Variants in FOXK1 observed in about 807,000 individuals in gnomAD.
The protein encoded by FOXK1 is forkhead box protein K1.
FOXK1 carries 19 observed loss-of-function variants against 51.9 expected under a neutral mutation model. The observed-to-expected ratio is 0.37, with a 90% CI of 0.26 to 0.54. The LOEUF is 0.54. Among genes scored for constraint, FOXK1 ranks in the 20% least tolerant of loss-of-function variants. The pLI is 0.87. For missense variants in FOXK1, 870 were observed against 1,032.7 expected (o/e 0.84, Z 2.16); for synonymous variants, 537 against 482.6 (o/e 1.11, Z -1.48).
intron 1 of FOXK1, among the ~76,000 whole-genome samples, chr7:4,710,379 A>G (rs1385107021): frequency 6.6e-6 from 1 of 152,202 alleles, no homozygotes; most frequent in Non-Finnish European, 1.5e-5. Flanking sequence ...GTTCAAGGCC[A>G]GCCTGGCCAA....
At chr7:4,713,967 C>A (rs1780205676) in intron 1 of FOXK1, among the ~76,000 whole-genome samples, 1 of 151,846 alleles carries the variant, frequency 6.6e-6, no homozygotes, top group African/African-American at 2.4e-5. Flanking sequence ...GCTGGGATTA[C>A]AAGCATGCGC....
chr7:4,708,278 G>A (rs753072576), intron 1 of FOXK1, among the ~76,000 whole-genome samples: 1 of 152,084 alleles, frequency 6.6e-6, no homozygotes, highest in African/African-American at 2.4e-5. Context: ...ATGAGTCCCC[G>A]ATGCTTTGTA....
At chr7:4,751,847 C>A (rs1333200573) in intron 2 of FOXK1, among the ~76,000 whole-genome samples, 1 of 152,240 alleles carries the variant, frequency 6.6e-6, no homozygotes, top group Non-Finnish European at 1.5e-5. Flanking sequence ...GAGAAACCAC[C>A]CTACTCTCTC....
Position 4,748,214 on chromosome 7 carries a change from G to A in FOXK1, c.747-6245G>A, listed in dbSNP as rs533494196. Among the ~76,000 whole-genome samples the A allele has an allele frequency of 1.4e-3, 213 of 152,262 alleles. No homozygotes were observed. The highest frequency in any genetic ancestry group is 2.2e-3 in the Non-Finnish European group (151 of 68,028). ...AAATTCCCCCACACAACGCTCCCCA[G>A]AGCTGAGCCCTTCTCTCTCACTTCT... is the stretch of plus-strand genomic sequence containing the variant. On this transcript the variant is annotated intron_variant, in intron 2 of 8. Transcript: ENST00000328914. The surrounding 1 kb of genome is among the most constrained non-coding windows in gnomAD (Gnocchi z 4.9).
chr7:4,690,232 G>A (rs541987883), intron 1 of FOXK1, among the ~76,000 whole-genome samples: 2 of 152,248 alleles, frequency 1.3e-5, no homozygotes, highest in Non-Finnish European at 2.9e-5. Context: ...GTTTTGAACC[G>A]GAGCTGGGGA....
intron 1 of FOXK1, among the ~76,000 whole-genome samples, chr7:4,712,093 A>T (rs1304190409): frequency 6.6e-6 from 1 of 151,488 alleles, no homozygotes; most frequent in Non-Finnish European, 1.5e-5. Context: ...TTTATCCATC[A>T]TCTAATTGTG....
chr7:4,757,103 C>A lies in FOXK1; in HGVS notation c.1160C>A (p.Ala387Asp). The A allele has an allele frequency of 6.2e-7, 1 of 1,613,762 alleles. No homozygotes were observed. Among genetic ancestry groups the A allele is most frequent in the Non-Finnish European group, 8.5e-7 (1 of 1,179,986 alleles). Reference protein sequence around the residue: ...SFWRIDPASEAKLVEQAFRKR... With the variant: ...SFWRIDPASEDKLVEQAFRKR... The stretch of plus-strand genomic sequence containing the variant: ...TGGCGAATAGACCCTGCCTCTGAAG[C>A]CAAGCTCGTGGAACAGGCATTCCGG... The change falls in exon 5 of 9, where the codon GCC (alanine) becomes GAC (aspartate). Residue 387 changes from alanine to aspartate, a missense_variant. Ala to Asp is a moderately radical substitution (Grantham distance 126, BLOSUM62 -2). Around this residue, in one of 3 missense-constraint regions of FOXK1, gnomAD observed 457 missense variants for 510.8 expected, o/e 0.89. Coordinates refer to ENST00000328914, the MANE Select transcript of FOXK1 (RefSeq NM_001037165.2).
rs1278223503 is a variant in FOXK1, at chr7:4,733,149, G to A, written c.561-7689G>A. Among the ~76,000 whole-genome samples, 1 of 151,896 alleles carries A rather than the reference G, an allele frequency of 6.6e-6. No homozygotes were observed. Among genetic ancestry groups the A allele is most frequent in the Non-Finnish European group, 1.5e-5 (1 of 67,984 alleles). On this transcript the variant is annotated intron_variant, in intron 1 of 8. Transcript: ENST00000328914. This position sits in a 1 kb window ranked among gnomAD's most constrained non-coding sequence, Gnocchi z 5.0. Reference sequence around the variant, plus strand: ...GCAACAAAGGTCAAAAATAACGAGGGCCAAGTTTGTTTCTTTTATACGTGA... The same window carrying A: ...GCAACAAAGGTCAAAAATAACGAGGACCAAGTTTGTTTCTTTTATACGTGA...
rs1780898889 is a variant in FOXK1 at position 4,759,302 on chromosome 7, T to A, written c.1412-9T>A. 6.2e-7 allele frequency: 1 copy of A among 1,601,228 alleles called. No individual in the cohort carries two copies. Among genetic ancestry groups the A allele is most frequent in the African/African-American group, 1.3e-5 (1 of 74,774 alleles). ...AGGGGTCACCGTCCGCTCTCCGCCCTCCGTGCAGGCTCCCCCGTCAGCGCC... is the reference window on the plus strand; with the variant it reads ...AGGGGTCACCGTCCGCTCTCCGCCCACCGTGCAGGCTCCCCCGTCAGCGCC... On this transcript the variant is annotated splice_polypyrimidine_tract_variant and intron_variant, in intron 6 of 8. Coordinates refer to ENST00000328914, the MANE Select transcript of FOXK1 (RefSeq NM_001037165.2).
At chr7:4,751,925 A>G (rs187271959) in intron 2 of FOXK1, among the ~76,000 whole-genome samples, 27 of 152,260 alleles carry the variant, frequency 1.8e-4, no homozygotes, top group African/African-American at 6.3e-4. Flanking sequence ...GGGAATGACA[A>G]CTTTTCCTGT....
chr7:4,729,463 T>C lies in FOXK1; in HGVS notation c.561-11375T>C, dbSNP rs1213747376. On this transcript the variant is annotated intron_variant, in intron 1 of 8. Coordinates refer to ENST00000328914, the MANE Select transcript of FOXK1 (RefSeq NM_001037165.2). This position sits in a 1 kb window ranked among gnomAD's most constrained non-coding sequence, Gnocchi z 6.2. ...TCCGCGAAGGGAAGGTGGGGGGATT[T>C]TGAAGGAGCTGTGAACACCGAGGGT... 1.3e-5 allele frequency among the ~76,000 whole-genome samples: 2 copies of C among 152,092 alleles called. No homozygotes were observed. Among genetic ancestry groups the C allele is most frequent in the Non-Finnish European group, 2.9e-5 (2 of 67,996 alleles).
chr7:4,719,542 C>T (rs542013762), intron 1 of FOXK1, among the ~76,000 whole-genome samples: 2 of 152,216 alleles, frequency 1.3e-5, no homozygotes, highest in South Asian at 2.1e-4. Flanking sequence ...AGTGCAGTGG[C>T]GAGACCTTGG....
rs979920448 is a variant in FOXK1 at position 4,763,660 on chromosome 7, C to T, written c.*1196C>T. 3.9e-5 allele frequency: 6 copies of T among 152,426 alleles called. No homozygotes were observed. The highest frequency in any genetic ancestry group is 2.1e-4 in the South Asian group (1 of 4,834). 9.4% of individuals were successfully genotyped at this position (152,426 alleles called of 1,614,324 possible). On this transcript the variant is annotated 3_prime_UTR_variant, in exon 9 of 9. Coordinates refer to ENST00000328914, the MANE Select transcript of FOXK1 (RefSeq NM_001037165.2). ...GGTGAGAACCGGAGGACGGGATGCT[C>T]CAGCCAGTTGGGTGGTTCTGGGGTC...
Position 4,729,227 on chromosome 7 carries a change from C to T in FOXK1, c.561-11611C>T, listed in dbSNP as rs907846846. On this transcript the variant is annotated intron_variant, in intron 1 of 8. Transcript: ENST00000328914. The surrounding 1 kb of genome is among the most constrained non-coding windows in gnomAD (Gnocchi z 6.2). ...ACTCTCCGATCCTCAGGATCCTCTT[C>T]GGGAGCAGCAGGCAGTGGCTTTCTC... Among the ~76,000 whole-genome samples the T allele has an allele frequency of 3.3e-5, 5 of 152,144 alleles. No homozygotes were observed. The highest frequency in any genetic ancestry group is 6.6e-5 in the Admixed American group (1 of 15,264).
chr7:4,688,745 G>A (rs868255204), intron 1 of FOXK1, among the ~76,000 whole-genome samples: 1 of 152,138 alleles, frequency 6.6e-6, no homozygotes, highest in Middle Eastern at 3.4e-3. Context: ...TTTACAGATT[G>A]GATTCTGCCA....
rs1215011112 is a variant in FOXK1, at chr7:4,762,362, C to T, written c.2100C>T (p.Pro700=). 1.4e-5 allele frequency: 21 copies of T among 1,550,552 alleles called. No homozygotes were observed. Among genetic ancestry groups the T allele is most frequent in the Middle Eastern group, 1.9e-4 (1 of 5,400 alleles). ...ASASASSTGE[P]EVKRSRVEEP... is the part of the protein sequence containing the mutation. Reference sequence around the variant, plus strand: ...CCTCCGCCTCTTCCACTGGAGAGCCCGAGGTCAAAAGGTCCCGGGTGGAGG... The same window carrying T: ...CCTCCGCCTCTTCCACTGGAGAGCCTGAGGTCAAAAGGTCCCGGGTGGAGG... The change falls in exon 9 of 9, where the codon CCC becomes CCT. Residue 700 remains proline, a synonymous_variant. Transcript: ENST00000328914. This position sits in a 1 kb window ranked among gnomAD's most constrained non-coding sequence, Gnocchi z 5.7.
rs945575364 is a variant in FOXK1, at chr7:4,697,339, G to C, written c.560+14471G>C. Among the ~76,000 whole-genome samples, 7 of 152,336 alleles carry C rather than the reference G, an allele frequency of 4.6e-5. No individual in the cohort carries two copies. The East Asian group carries it at 1.4e-3, about 29-fold the overall frequency. ...ACAGTGGCCTGCTGAACAGCTAGCCGGTATTCACGGCCAACTTTTCAGATC... is the reference window on the plus strand; with the variant it reads ...ACAGTGGCCTGCTGAACAGCTAGCCCGTATTCACGGCCAACTTTTCAGATC... On this transcript the variant is annotated intron_variant, in intron 1 of 8. Coordinates refer to ENST00000328914, the MANE Select transcript of FOXK1 (RefSeq NM_001037165.2).
At chr7:4,720,000 T>A (rs1780288761) in intron 1 of FOXK1, among the ~76,000 whole-genome samples, 2 of 152,256 alleles carry the variant, frequency 1.3e-5, no homozygotes, top group Admixed American at 6.5e-5. Flanking sequence ...TACGTTTTGA[T>A]GACGTCCGAT....
At chr7:4,724,718 A>G (rs369603034) in intron 1 of FOXK1, among the ~76,000 whole-genome samples, 14 of 152,154 alleles carry the variant, frequency 9.2e-5, no homozygotes, top group East Asian at 5.8e-4. Context: ...TTCTGTCTCA[A>G]TGCTCAAGGT....
Sources: allele counts gnomAD v4.1 joint callset (sites outside exome capture counted in the v4.1 genomes callset), GRCh38; gene constraint gnomAD v4.1.1; regional missense constraint gnomAD v4.1.1; non-coding constraint Gnocchi (gnomAD v3.1); transcripts MANE v1.5; gene names NCBI Gene and HGNC (gene_info 2026-07-23, HGNC 2026-07-21).